The following UMAD1 variants were observed in gnomAD, a reference collection of about 807,000 sequenced individuals.
UMAD1 encodes UBAP1-MVB12-associated (UMA) domain containing 1.
In UMAD1, 8 loss-of-function variants were observed where a neutral mutation model predicts 6.1. That is an observed-to-expected ratio of 1.30 (90% CI 0.76 to 2.35). The LOEUF is 2.35. Ranked by LOEUF, UMAD1 falls within the 30% of genes most tolerant of loss-of-function variation. UMAD1 has a pLI of 0.00. For synonymous variants in UMAD1, 56 were observed against 31.4 expected, an observed-to-expected ratio of 1.78 and a Z score of -2.61; for missense variants, 130 against 78.4, an observed-to-expected ratio of 1.66 and a Z score of -2.49.
intron 1 of UMAD1, among the ~76,000 whole-genome samples, chr7:7,666,184 TTTTGTTTGTTTGTTTG>T (rs146878102): frequency 2.7e-5 from 4 of 150,202 alleles, no homozygotes; most frequent in African/African-American, 9.8e-5. Flanking sequence ...GGAAAGTGTT[TTTTGTTTGTTTGTTTG>T]TTTGTTTGTT....
intron 3 of UMAD1, among the ~76,000 whole-genome samples, chr7:7,807,172 C>T (rs554051398): frequency 4.0e-4 from 61 of 152,106 alleles, no homozygotes; most frequent in African/African-American, 1.3e-3. Context: ...GTTCCTTACG[C>T]GTCATAACTA....
chr7:7,752,377 A>C (rs2115220886), intron 2 of UMAD1, among the ~76,000 whole-genome samples: 2 of 152,286 alleles, frequency 1.3e-5, no homozygotes, highest in South Asian at 4.1e-4. Context: ...ATACGTATCG[A>C]GAAAGACAAC....
chr7:7,828,414 C>T (rs181114126), intron 3 of UMAD1, among the ~76,000 whole-genome samples: 1 of 152,294 alleles, frequency 6.6e-6, no homozygotes, highest in African/African-American at 2.4e-5. Flanking sequence ...GTGGCACAAA[C>T]TCAAATTCTG....
intron 3 of UMAD1, among the ~76,000 whole-genome samples, chr7:7,840,676 GTCA>G (rs1178851096): frequency 6.6e-6 from 1 of 152,000 alleles, no homozygotes; most frequent in African/African-American, 2.4e-5. Flanking sequence ...TGTTATTATT[GTCA>G]TCATCATTAT....
At chr7:7,723,992 CTCAA>C (rs1298095472) in intron 2 of UMAD1, among the ~76,000 whole-genome samples, 2 of 152,152 alleles carry the variant, frequency 1.3e-5, no homozygotes, top group Non-Finnish European at 2.9e-5. Context: ...ATCATGGCTC[CTCAA>C]TCAATTTCCA....
chr7:7,867,848 CT>C (rs1407441805), intron 3 of UMAD1, among the ~76,000 whole-genome samples: 1 of 152,150 alleles, frequency 6.6e-6, no homozygotes, highest in Admixed American at 6.5e-5. Context: ...GAGACTCCCC[CT>C]AATTGATGAA....
At chr7:7,648,373 C>T (rs919538277) in intron 1 of UMAD1, among the ~76,000 whole-genome samples, 1 of 152,166 alleles carries the variant, frequency 6.6e-6, no homozygotes, top group Non-Finnish European at 1.5e-5. Context: ...GGCCTGACAG[C>T]TTTAACTTTT....
chr7:7,783,760 A>G (rs1242493369), intron 2 of UMAD1, among the ~76,000 whole-genome samples: 2 of 152,240 alleles, frequency 1.3e-5, no homozygotes, highest in Non-Finnish European at 2.9e-5. Flanking sequence ...CTTAAAAACT[A>G]ACAACAAAAA....
At chr7:7,676,191 A>C (rs1434483959) in intron 2 of UMAD1, 1 of 398,344 alleles carries the variant, frequency 2.5e-6, no homozygotes, top group African/African-American at 2.1e-5. Flanking sequence ...TCCACGACTT[A>C]CTCTCTACCC....
intron 2 of UMAD1, 65 bp from the exon 3 acceptor site, chr7:7,801,605 A>G: frequency 1.5e-6 from 1 of 678,658 alleles, no homozygotes; most frequent in Non-Finnish European, 2.7e-6. Flanking sequence ...TCAAACAAAT[A>G]GCAAGTAGTT....
At chr7:7,670,950 C>A (rs1208953424) in intron 1 of UMAD1, among the ~76,000 whole-genome samples, 1 of 152,192 alleles carries the variant, frequency 6.6e-6, no homozygotes, top group Non-Finnish European at 1.5e-5. Context: ...CCATTGTCTT[C>A]CATGCCATTG....
In UMAD1 at chr7:7,746,186, G is replaced by A. The variant is rs1365251973; in HGVS notation, c.83-55484G>A. 2.0e-5 allele frequency among the ~76,000 whole-genome samples: 3 copies of A among 152,200 alleles called. No individual in the cohort carries two copies. The East Asian group carries it at 5.8e-4, about 29-fold the overall frequency. On this transcript the variant is annotated intron_variant, in intron 2 of 3. Coordinates refer to ENST00000682710, the MANE Select transcript of UMAD1 (RefSeq NM_001302348.2). Reference sequence around the variant, plus strand: ...AGTTTGTACTGTTTCCTTCTTTGGTGCACTGTGTGTGGAGCTGAGTAGAAG... The same window carrying A: ...AGTTTGTACTGTTTCCTTCTTTGGTACACTGTGTGTGGAGCTGAGTAGAAG...
intron 3 of UMAD1, among the ~76,000 whole-genome samples, chr7:7,872,808 T>C (rs1050775482): frequency 4.6e-5 from 7 of 152,194 alleles, no homozygotes; most frequent in Non-Finnish European, 1.0e-4. Context: ...CTAATGAAAC[T>C]CTAGAACATT....
intron 1 of UMAD1, among the ~76,000 whole-genome samples, chr7:7,657,867 A>G (rs760268346): frequency 1.3e-5 from 2 of 152,200 alleles, no homozygotes; most frequent in Non-Finnish European, 2.9e-5. Context: ...TGGTAGCTTG[A>G]TGGGGATAGC....
chr7:7,868,515 AAC>A (rs1784275910), intron 3 of UMAD1: 1 of 152,098 alleles, frequency 6.6e-6, no homozygotes, highest in Admixed American at 6.6e-5. Flanking sequence ...AAGATTGGAG[AAC>A]CACGGAGCAC....
Position 7,875,001 on chromosome 7 carries a change from C to T in UMAD1, c.157-2280C>T, listed in dbSNP as rs183859885. 6.6e-5 allele frequency among the ~76,000 whole-genome samples: 10 copies of T among 152,192 alleles called. No homozygotes were observed. In the South Asian group the frequency reaches 1.2e-3, roughly 19 times the overall value. Reference sequence around the variant, plus strand: ...GTTGGTCAGGCTGGTCTCGAACTCCCGACCTCAGGTGATCTGCCCACCTTA... The same window carrying T: ...GTTGGTCAGGCTGGTCTCGAACTCCTGACCTCAGGTGATCTGCCCACCTTA... On this transcript the variant is annotated intron_variant, in intron 3 of 3. Transcript: ENST00000682710.
At chr7:7,741,339 A>T (rs1173841767) in intron 2 of UMAD1, among the ~76,000 whole-genome samples, 1 of 151,866 alleles carries the variant, frequency 6.6e-6, no homozygotes, top group Non-Finnish European at 1.5e-5. Flanking sequence ...TGGGAGGCTG[A>T]GGCGGGAGGA....
chr7:7,731,317 G>A (rs1289797522), intron 2 of UMAD1, among the ~76,000 whole-genome samples: 3 of 152,012 alleles, frequency 2.0e-5, no homozygotes, highest in African/African-American at 7.2e-5. Flanking sequence ...TGTGTTTTAA[G>A]GATGGAACTA....
intron 1 of UMAD1, among the ~76,000 whole-genome samples, chr7:7,657,452 C>T (rs866706755): frequency 1.8e-4 from 27 of 152,254 alleles, no homozygotes; most frequent in Non-Finnish European, 2.9e-4. Context: ...TTACGTCTTA[C>T]GTTTAGGTCT....
Sources: allele counts gnomAD v4.1 joint callset (sites outside exome capture counted in the v4.1 genomes callset), GRCh38; gene constraint gnomAD v4.1.1; transcripts MANE v1.5; gene names NCBI Gene and HGNC (gene_info 2026-07-23, HGNC 2026-07-21).